The following SLCO1B1 variants were observed in gnomAD, a reference collection of about 807,000 sequenced individuals.
SLCO1B1 encodes the protein solute carrier organic anion transporter family member 1B1, also known as OATP-2.
A neutral mutation model predicts 70.1 loss-of-function variants in SLCO1B1; 81 were observed. That is an observed-to-expected ratio of 1.16 (90% confidence interval 0.97 to 1.39). SLCO1B1 has a LOEUF of 1.39. SLCO1B1 is among the 40% of genes most tolerant of loss of function. SLCO1B1 has a pLI of 0.00. For missense variants in SLCO1B1, 895 were observed against 799.6 expected (o/e 1.12, Z -1.44); for synonymous variants, 283 against 271.5 (o/e 1.04, Z -0.42).
chr12:21,234,437 C>T (rs1032403012), intron 14 of SLCO1B1, among the ~76,000 whole-genome samples: 5 of 152,098 alleles, frequency 3.3e-5, no homozygotes, highest in African/African-American at 1.2e-4. Context: ...TTGGCTAATT[C>T]GTTAGTCCTA....
intron 8 of SLCO1B1, 33 bp downstream of exon 8, chr12:21,197,221 T>A: frequency 6.2e-7 from 1 of 1,609,130 alleles, no homozygotes; most frequent in Non-Finnish European, 8.5e-7. Context: ...CAATTTGGAG[T>A]TGTTAATCTC....
At chr12:21,191,852 A>T (rs1941033242) in intron 7 of SLCO1B1, among the ~76,000 whole-genome samples, 1 of 152,254 alleles carries the variant, frequency 6.6e-6, no homozygotes, top group East Asian at 1.9e-4. Flanking sequence ...GATTTTATCA[A>T]ATGCTGTTTA....
chr12:21,180,531 T>A (rs990894993), intron 7 of SLCO1B1, among the ~76,000 whole-genome samples: 1 of 152,166 alleles, frequency 6.6e-6, no homozygotes, highest in Admixed American at 6.6e-5. Flanking sequence ...AGTTTGTGAA[T>A]AAATAAATAT....
intron 1 of SLCO1B1, among the ~76,000 whole-genome samples, chr12:21,133,407 A>G (rs936989137): frequency 4.6e-5 from 7 of 152,158 alleles, no homozygotes; most frequent in East Asian, 1.9e-4. Flanking sequence ...CATTGAATCT[A>G]TAAATTACCT....
chr12:21,157,472 A>G (rs1361527334), intron 2 of SLCO1B1, among the ~76,000 whole-genome samples: 1 of 152,198 alleles, frequency 6.6e-6, no homozygotes, highest in Non-Finnish European at 1.5e-5. Context: ...AAACTATGGA[A>G]ACTGAGAGCT....
intron 9 of SLCO1B1, 95 bp from the exon 10 acceptor site, chr12:21,202,396 A>G (rs1037409736): frequency 2.5e-6 from 2 of 801,952 alleles, no homozygotes; most frequent in African/African-American, 3.5e-5. Context: ...AAGCAATAAT[A>G]TTGAATAAAT....
At chr12:21,213,249 G>A (rs1169631166) in intron 11 of SLCO1B1, among the ~76,000 whole-genome samples, 1 of 152,032 alleles carries the variant, frequency 6.6e-6, no homozygotes, top group African/African-American at 2.4e-5. Context: ...AGCTCTTGTA[G>A]GGCAGGCCTG....
intron 7 of SLCO1B1, among the ~76,000 whole-genome samples, chr12:21,188,961 T>C (rs1940994573): frequency 6.6e-6 from 1 of 152,230 alleles, no homozygotes; most frequent in African/African-American, 2.4e-5. Flanking sequence ...TTTTAAAGAC[T>C]GAATAATATT....
chr12:21,164,403 C>T (rs911678436), intron 2 of SLCO1B1, among the ~76,000 whole-genome samples: 3 of 152,034 alleles, frequency 2.0e-5, no homozygotes, highest in Non-Finnish European at 2.9e-5. Context: ...CTATTTTCCC[C>T]ACCTCCTGTT....
Position 21,239,149 on chromosome 12 carries a change from T to C in SLCO1B1, c.2036T>C (p.Phe679Ser). The C allele has an allele frequency of 6.2e-7, 1 of 1,613,268 alleles. No homozygotes were observed. Among genetic ancestry groups the C allele is most frequent in the East Asian group, 2.2e-5 (1 of 44,764 alleles). Residue 679 changes from phenylalanine (F) to serine (S), a missense_variant, in exon 15 of 15, where the codon TTT becomes TCT. Physicochemically the swap from Phe to Ser is radical, Grantham distance 155. Transcript: ENST00000256958. ...GAATCCTTAAATAAAAATAAACATT[T>C]TGTCCCTTCTGCTGGGGCAGATAGT... ...NLESLNKNKH[F>S]VPSAGADSET...
At chr12:21,151,640 T>C (rs1221920519) in intron 2 of SLCO1B1, among the ~76,000 whole-genome samples, 1 of 152,206 alleles carries the variant, frequency 6.6e-6, no homozygotes, top group African/African-American at 2.4e-5. Context: ...TTCTGATTTA[T>C]ATTATTTTAT....
intron 2 of SLCO1B1, among the ~76,000 whole-genome samples, chr12:21,150,383 C>T (rs368608051): frequency 6.6e-6 from 1 of 152,226 alleles, no homozygotes; most frequent in East Asian, 1.9e-4. Context: ...CCCTGACTCC[C>T]GTGCCTCCTG....
intron 1 of SLCO1B1, among the ~76,000 whole-genome samples, chr12:21,138,437 G>T (rs1256709312): frequency 1.3e-5 from 2 of 152,196 alleles, no homozygotes; most frequent in Non-Finnish European, 2.9e-5. Context: ...AATATGTTCA[G>T]AGAAAAATAT....
chr12:21,230,014 T>A (rs1281609603), intron 14 of SLCO1B1, among the ~76,000 whole-genome samples: 1 of 152,172 alleles, frequency 6.6e-6, no homozygotes, highest in Non-Finnish European at 1.5e-5. Flanking sequence ...GCAGATATTT[T>A]TGATCAAGTT....
At position 21,224,722 on chromosome 12, in the gene SLCO1B1, G is replaced by C; in HGVS notation, c.1748G>C (p.Gly583Ala). The change falls in exon 14 of 15, where the codon GGA becomes GCA. Residue 583 changes from glycine to alanine, a missense_variant and splice_region_variant. Physicochemically the swap from Gly to Ala is moderately conservative, Grantham distance 60 (BLOSUM62 0). Transcript: ENST00000256958. The part of the protein sequence containing the change: ...GFHSMVIRAL[G>A]GILAPIYFGA... ...GACATCTTCTCTTCTCCTATTACAG[G>C]AGGAATTCTAGCTCCAATATATTTT... is the stretch of plus-strand genomic sequence containing the variant. 4 of 1,572,076 alleles carry C rather than the reference G, an allele frequency of 2.5e-6. No individual in the cohort carries two copies. The highest frequency in any genetic ancestry group is 3.5e-6 in the Non-Finnish European group (4 of 1,143,264).
chr12:21,189,346 T>A (rs1941000980), intron 7 of SLCO1B1, among the ~76,000 whole-genome samples: 2 of 152,172 alleles, frequency 1.3e-5, no homozygotes, highest in South Asian at 4.1e-4. Flanking sequence ...GATTTGCATT[T>A]CCCTGATATG....
At chr12:21,133,315 G>T (rs1290322017) in intron 1 of SLCO1B1, among the ~76,000 whole-genome samples, 1 of 152,066 alleles carries the variant, frequency 6.6e-6, no homozygotes, top group Admixed American at 6.6e-5. Context: ...TGGTATGCGG[G>T]CTCTTTTTTG....
At chr12:21,236,536 C>A (rs1306670818) in intron 14 of SLCO1B1, among the ~76,000 whole-genome samples, 3 of 152,118 alleles carry the variant, frequency 2.0e-5, no homozygotes, top group Non-Finnish European at 2.9e-5. Context: ...AAATTGCCAC[C>A]AATAGCATTA....
intron 11 of SLCO1B1, among the ~76,000 whole-genome samples, chr12:21,216,327 A>C (rs1941357357): frequency 6.6e-6 from 1 of 152,164 alleles, no homozygotes; most frequent in African/African-American, 2.4e-5. Flanking sequence ...AGATGTATAG[A>C]TTTAAATTCT....
Sources: gnomAD v4.1 joint callset for allele counts (sites outside exome capture counted in the v4.1 genomes callset) on GRCh38, gnomAD v4.1.1 for gene constraint, MANE v1.5 for transcripts, NCBI Gene and HGNC (gene_info 2026-07-23, HGNC 2026-07-21) for gene names.